The following KCNH8 variants were observed in gnomAD, a reference collection of about 807,000 sequenced individuals.
The protein encoded by KCNH8 is potassium voltage-gated channel subfamily H member 8.
A neutral mutation model predicts 103.6 loss-of-function variants in KCNH8; 70 were observed. The observed-to-expected ratio is 0.68, with a 90% confidence interval of 0.56 to 0.82. KCNH8 has a LOEUF of 0.82. KCNH8 is among the 40% of genes least tolerant of loss of function. The probability of loss-of-function intolerance (pLI) is 0.00; values close to 1 mark genes in which losing one functional copy is unlikely to be tolerated. For synonymous variants in KCNH8, 498 were observed against 489.4 expected (o/e 1.02, Z -0.23); for missense variants, 1,217 against 1,329.9 (o/e 0.92, Z 1.32).
chr3:19,494,994 ATTC>A (rs2068408262), intron 11 of KCNH8, among the ~76,000 whole-genome samples: 1 of 151,988 alleles, frequency 6.6e-6, no homozygotes. Flanking sequence ...ACTTGTATGT[ATTC>A]TTCTGAAAAG....
intron 13 of KCNH8, among the ~76,000 whole-genome samples, chr3:19,514,689 AT>A (rs2068843734): frequency 6.6e-6 from 1 of 151,802 alleles, no homozygotes; most frequent in African/African-American, 2.4e-5. Flanking sequence ...ACTGATTTAA[AT>A]ATAATTATTT....
Position 19,412,518 on chromosome 3 carries a change from C to T in KCNH8, c.1177+17207C>T, listed in dbSNP as rs551247907. 1.4e-4 allele frequency among the ~76,000 whole-genome samples: 22 copies of T among 151,998 alleles called. No homozygotes were observed. In the South Asian group the frequency reaches 4.1e-3, roughly 29 times the overall value. ...ATAACTAAATAGTCAAAAGCAATCA[C>T]AACAAAAACAAAAATTGACAAGTGG... On this transcript the variant is annotated intron_variant, in intron 7 of 15. Transcript: ENST00000328405.
At chr3:19,169,255 C>CTTTTTTTTTTT (rs768036667) in intron 1 of KCNH8, among the ~76,000 whole-genome samples, 8 of 124,960 alleles carry the variant, frequency 6.4e-5, no homozygotes, top group African/African-American at 2.5e-4. Context: ...TTCTTTCTTT[C>CTTTTTTTTTTT]TTTTTTTTTT....
chr3:19,514,495 ATGTT>A (rs2068839914), intron 13 of KCNH8, among the ~76,000 whole-genome samples: 1 of 151,932 alleles, frequency 6.6e-6, no homozygotes, highest in Non-Finnish European at 1.5e-5. Flanking sequence ...AAAAGAATAT[ATGTT>A]CTTTATAGAG....
intron 8 of KCNH8, among the ~76,000 whole-genome samples, chr3:19,445,648 T>C (rs1379817447): frequency 1.3e-5 from 2 of 151,868 alleles, no homozygotes; most frequent in Non-Finnish European, 2.9e-5. Context: ...TGGAGTACAA[T>C]TATGTTGTCC....
chr3:19,195,572 T>A (rs1328109874), intron 1 of KCNH8, among the ~76,000 whole-genome samples: 2 of 151,936 alleles, frequency 1.3e-5, no homozygotes, highest in African/African-American at 4.8e-5. Flanking sequence ...TTACTCCCTT[T>A]ATATTTTGGC....
chr3:19,285,344 T>C (rs527521362), intron 3 of KCNH8, among the ~76,000 whole-genome samples: 15 of 152,236 alleles, frequency 9.9e-5, no homozygotes, highest in African/African-American at 3.6e-4. Context: ...TTAAATCCTT[T>C]CCACTAAATT....
chr3:19,151,196 A>C (rs756937350), intron 1 of KCNH8, among the ~76,000 whole-genome samples: 1 of 152,028 alleles, frequency 6.6e-6, no homozygotes, highest in Non-Finnish European at 1.5e-5. Flanking sequence ...TGTAATTACT[A>C]TCTCTGAAAC....
At chr3:19,156,435 A>T (rs1442973171) in intron 1 of KCNH8, among the ~76,000 whole-genome samples, 2 of 152,146 alleles carry the variant, frequency 1.3e-5, no homozygotes, top group Non-Finnish European at 2.9e-5. Flanking sequence ...TGCAAATGAG[A>T]TATTTCTTTA....
intron 11 of KCNH8, among the ~76,000 whole-genome samples, chr3:19,460,228 C>T (rs894741063): frequency 6.6e-6 from 1 of 152,056 alleles, no homozygotes; most frequent in Non-Finnish European, 1.5e-5. Flanking sequence ...ATTCCTAAAA[C>T]AGCTTTTCTG....
intron 5 of KCNH8, among the ~76,000 whole-genome samples, chr3:19,383,997 C>A (rs1574997555): frequency 6.6e-6 from 1 of 151,978 alleles, no homozygotes; most frequent in South Asian, 2.1e-4. Context: ...AGTCACACAT[C>A]ACTGAAAAAG....
At chr3:19,490,866 G>A (rs1012682239) in intron 11 of KCNH8, among the ~76,000 whole-genome samples, 2 of 152,168 alleles carry the variant, frequency 1.3e-5, no homozygotes, top group African/African-American at 4.8e-5. Context: ...GAGACTCACT[G>A]TAGTTAGCAC....
At chr3:19,190,816 T>C (rs1031245752) in intron 1 of KCNH8, among the ~76,000 whole-genome samples, 3 of 151,908 alleles carry the variant, frequency 2.0e-5, no homozygotes, top group African/African-American at 7.2e-5. Flanking sequence ...GTTTCAAACC[T>C]CCACTTAAAA....
chr3:19,404,193 C>T (rs2066658115), intron 7 of KCNH8, among the ~76,000 whole-genome samples: 1 of 151,756 alleles, frequency 6.6e-6, no homozygotes, highest in African/African-American at 2.4e-5. Context: ...CAGTAAATGG[C>T]TCAAGCATGC....
chr3:19,260,551 G>A (rs1433626161), intron 2 of KCNH8, among the ~76,000 whole-genome samples: 10 of 130,644 alleles, frequency 7.7e-5, no homozygotes, highest in Non-Finnish European at 1.6e-4. Context: ...TGGTTACTGG[G>A]TGGAACAAAT....
intron 3 of KCNH8, among the ~76,000 whole-genome samples, chr3:19,294,664 T>G (rs1189361023): frequency 6.6e-6 from 1 of 152,220 alleles, no homozygotes; most frequent in African/African-American, 2.4e-5. Context: ...TCTACACATA[T>G]TCGCTAATGT....
chr3:19,282,222 G>C (rs573546712), intron 3 of KCNH8, among the ~76,000 whole-genome samples: 1 of 152,104 alleles, frequency 6.6e-6, no homozygotes, highest in South Asian at 2.1e-4. Context: ...TGATAGTTTG[G>C]TGCTCTCACT....
chr3:19,325,249 G>A (rs1462364217), intron 3 of KCNH8, among the ~76,000 whole-genome samples: 3 of 152,028 alleles, frequency 2.0e-5, no homozygotes, highest in Non-Finnish European at 4.4e-5. Context: ...TAAAAACCCT[G>A]GAAGACATCC....
chr3:19,357,980 G>A (rs1400492234), intron 5 of KCNH8, among the ~76,000 whole-genome samples: 11 of 151,820 alleles, frequency 7.2e-5, no homozygotes, highest in African/African-American at 2.7e-4. Flanking sequence ...ACATGTTACT[G>A]TGCAGATTAT....
Sources: allele counts gnomAD v4.1 joint callset (sites outside exome capture counted in the v4.1 genomes callset), GRCh38; gene constraint gnomAD v4.1.1; transcripts MANE v1.5; gene names NCBI Gene and HGNC (gene_info 2026-07-23, HGNC 2026-07-21).